LMAN1: variants seen among roughly 807,000 people sequenced by gnomAD.
The protein encoded by LMAN1 is lectin, mannose binding 1, also known as protein ERGIC-53.
Under a neutral mutation model 67.8 loss-of-function variants are expected in LMAN1, and 32 were observed. The observed-to-expected ratio is 0.47, with a 90% CI of 0.36 to 0.63. The LOEUF (loss-of-function observed/expected upper bound fraction) is 0.63. Ranked by LOEUF, LMAN1 falls within the 30% of genes least tolerant of loss-of-function variation. LMAN1 has a pLI of 0.00. For synonymous variants in LMAN1, 235 were observed against 219.3 expected, an observed-to-expected ratio of 1.07 and a Z score of -0.63; for missense variants, 632 against 628.2, an observed-to-expected ratio of 1.01 and a Z score of -0.06.
At chr18:59,332,623 T>C (rs1159462233) in intron 11 of LMAN1, among the ~76,000 whole-genome samples, 4 of 152,122 alleles carry the variant, frequency 2.6e-5, no homozygotes, top group African/African-American at 9.7e-5. Flanking sequence ...GACTAGGAAA[T>C]ATGGGCCAAC....
Position 59,328,902 on chromosome 18 carries a change from G to A in LMAN1, c.*2191C>T, listed in dbSNP as rs1006700393. The A allele has an allele frequency of 6.6e-6, 1 of 152,050 alleles. No homozygotes were observed. The highest frequency in any genetic ancestry group is 2.4e-5 in the African/African-American group (1 of 41,372). 9.4% of individuals were successfully genotyped at this position (152,050 alleles called of 1,614,324 possible). ...GCAATTGCATTTTCCTTTTAAAAGTGGCATCATAGACACAATGACTTACAT... is the reference window on the plus strand; with the variant it reads ...GCAATTGCATTTTCCTTTTAAAAGTAGCATCATAGACACAATGACTTACAT... On this transcript the variant is annotated 3_prime_UTR_variant, in exon 13 of 13. Transcript: ENST00000251047.
At chr18:59,352,512 C>T (rs889699127) in intron 5 of LMAN1, among the ~76,000 whole-genome samples, 4 of 152,164 alleles carry the variant, frequency 2.6e-5, no homozygotes, top group Admixed American at 6.5e-5. Context: ...AACCTCACTG[C>T]TCACTGATCT....
At chr18:59,357,945 G>C (rs542186690) in intron 1 of LMAN1, among the ~76,000 whole-genome samples, 162 of 132,484 alleles carry the variant, frequency 1.2e-3, no homozygotes, top group African/African-American at 4.5e-3. Context: ...TTGTGCACAT[G>C]TACCCTAAAC....
intron 5 of LMAN1, 40 bp from the exon 6 acceptor site, chr18:59,349,276 A>G (rs765353931): frequency 1.3e-6 from 2 of 1,571,530 alleles, no homozygotes; most frequent in South Asian, 2.2e-5. Flanking sequence ...TGCAAAAGAC[A>G]TTAGAAAATA....
In LMAN1 at chr18:59,331,148, A is replaced by G; in HGVS notation, c.1497-19T>C. 1 of 1,606,844 alleles carries G rather than the reference A, an allele frequency of 6.2e-7. No individual in the cohort carries two copies. The highest frequency in any genetic ancestry group is 8.5e-7 in the Non-Finnish European group (1 of 1,174,798). ...CTGAGACCTAATGAAAAAAAGAAAC[A>G]AACACTTAAAGAAGTTCTATACGCT... On this transcript the variant is annotated intron_variant, in intron 12 of 12. Transcript: ENST00000251047.
In LMAN1 at chr18:59,349,240, G is replaced by A; in HGVS notation, c.640-4C>T. Reference sequence around the variant, plus strand: ...TAAAGCCATTATTGATCATTACCTAGAAAGACATATCATAGCTATAGCTTT... The same window carrying A: ...TAAAGCCATTATTGATCATTACCTAAAAAGACATATCATAGCTATAGCTTT... On this transcript the variant is annotated splice_polypyrimidine_tract_variant and splice_region_variant and intron_variant, in intron 5 of 12. Transcript: ENST00000251047. 9 of 1,611,516 alleles carry A rather than the reference G, an allele frequency of 5.6e-6. No individual in the cohort carries two copies. The highest frequency in any genetic ancestry group is 7.6e-6 in the Non-Finnish European group (9 of 1,177,822).
At position 59,349,134 on chromosome 18, in the gene LMAN1, C is replaced by T. The variant is rs371193985; in HGVS notation, c.742G>A (p.Ala248Thr). ...IPAQGHFGIS[A>T]ATGGLADDHD... ...TTACCTGCAAGACCTCCAGTTGCAG[C>T]AGATATTCCAAAATGCCCTTGTGCA... Residue 248 changes from alanine (A) to threonine (T), a missense_variant, in exon 6 of 13, where the codon GCT (alanine) becomes ACT (threonine). Coordinates refer to ENST00000251047, the MANE Select transcript of LMAN1 (RefSeq NM_005570.4). The T allele has an allele frequency of 6.2e-6, 10 of 1,613,948 alleles. No homozygotes were observed. The African/African-American group carries it at 1.3e-4, about 22-fold the overall frequency.
Position 59,338,822 on chromosome 18 carries a change from C to G in LMAN1, c.1087G>C (p.Val363Leu). 1 of 1,614,048 alleles carries G rather than the reference C, an allele frequency of 6.2e-7. No homozygotes were observed. The highest frequency in any genetic ancestry group is 1.1e-5 in the South Asian group (1 of 91,076). ...GAGATTTCCTCTGTTAAGGAAGAGA[C>G]ATATCTTCTCTGTTCATCAAGAATC... is the stretch of plus-strand genomic sequence containing the variant. Reference protein sequence around the residue: ...DMILDEQRRYVSSLTEEISKR... With the variant: ...DMILDEQRRYLSSLTEEISKR... The change falls in exon 9 of 13, where the codon GTC (valine) becomes CTC (leucine). Residue 363 changes from valine to leucine, a missense_variant. Physicochemically the swap from Val to Leu is conservative, Grantham distance 32 (BLOSUM62 1). Coordinates refer to ENST00000251047, the MANE Select transcript of LMAN1 (RefSeq NM_005570.4).
chr18:59,346,148 A>T (rs1406850821), intron 7 of LMAN1, 97 bp from the exon 8 acceptor site: 1 of 973,526 alleles, frequency 1.0e-6, no homozygotes, highest in Non-Finnish European at 1.5e-6. Context: ...CTCTTCTACC[A>T]CTAGCGGAAA....
intron 8 of LMAN1, among the ~76,000 whole-genome samples, chr18:59,345,485 C>T (rs1908378671): frequency 6.6e-6 from 1 of 152,106 alleles, no homozygotes; most frequent in African/African-American, 2.4e-5. Flanking sequence ...AGGATTATCT[C>T]CACACTATAA....
chr18:59,343,989 C>T (rs1210335359), intron 8 of LMAN1, among the ~76,000 whole-genome samples: 1 of 152,086 alleles, frequency 6.6e-6, no homozygotes, highest in Non-Finnish European at 1.5e-5. Context: ...AGAGCATGAA[C>T]AGACATTTTT....
intron 8 of LMAN1, among the ~76,000 whole-genome samples, chr18:59,344,881 C>T (rs1223360416): frequency 6.6e-6 from 1 of 152,188 alleles, no homozygotes; most frequent in East Asian, 1.9e-4. Context: ...CAGAACTAAT[C>T]TACAGTGATA....
rs142975697 is a variant in LMAN1 at position 59,329,166 on chromosome 18, A to G, written c.*1927T>C. 2 of 152,314 alleles carry G rather than the reference A, an allele frequency of 1.3e-5. No individual in the cohort carries two copies. Among genetic ancestry groups the G allele is most frequent in the African/African-American group, 4.8e-5 (2 of 41,570 alleles). The allele number at this position is 152,314 out of a possible 1,614,324, so 9.4% of individuals were successfully genotyped here. On this transcript the variant is annotated 3_prime_UTR_variant, in exon 13 of 13. Transcript: ENST00000251047. ...ATCATGTGAACTACTTTGCTGAGTGATTTTCAAGCAAAGTATATCACTAAG... is the reference window on the plus strand; with the variant it reads ...ATCATGTGAACTACTTTGCTGAGTGGTTTTCAAGCAAAGTATATCACTAAG...
At chr18:59,358,421 A>C (rs1908710422) in intron 1 of LMAN1, among the ~76,000 whole-genome samples, 1 of 152,226 alleles carries the variant, frequency 6.6e-6, no homozygotes, top group African/African-American at 2.4e-5. Context: ...ACTGAGAGGA[A>C]AATGTGTAGT....
intron 8 of LMAN1, among the ~76,000 whole-genome samples, chr18:59,342,386 T>C (rs1026272834): frequency 1.3e-5 from 2 of 152,026 alleles, no homozygotes; most frequent in Non-Finnish European, 2.9e-5. Context: ...TACAGACCCA[T>C]ATCCCTGATG....
At chr18:59,352,145 T>C (rs1396816016) in intron 5 of LMAN1, among the ~76,000 whole-genome samples, 1 of 152,146 alleles carries the variant, frequency 6.6e-6, no homozygotes, top group East Asian at 1.9e-4. Context: ...CAGTTAGATA[T>C]CTCCACCTAT....
intron 1 of LMAN1, among the ~76,000 whole-genome samples, chr18:59,357,473 T>G (rs1425678390): frequency 1.3e-5 from 2 of 152,154 alleles, no homozygotes; most frequent in African/African-American, 2.4e-5. Context: ...ATCCCACAAA[T>G]AGAAACAAAA....
In LMAN1 at chr18:59,333,185, C is replaced by G; in HGVS notation, c.1280G>C (p.Gly427Ala). ...GTGCTGTGTTGTCTCATAGACGCCT[C>G]CAGCAGAGCCAGGGTGCTGCATTCC... The part of the protein sequence containing the change: ...VSGMQHPGSA[G>A]GVYETTQHFI... The change falls in exon 11 of 13, where the codon GGA becomes GCA. Residue 427 changes from glycine (G) to alanine (A), a missense_variant. Transcript: ENST00000251047. 1.2e-6 allele frequency: 2 copies of G among 1,613,594 alleles called. No homozygotes were observed.
At chr18:59,332,155 A>T (rs1353938037) in intron 11 of LMAN1, among the ~76,000 whole-genome samples, 2 of 152,178 alleles carry the variant, frequency 1.3e-5, no homozygotes, top group Non-Finnish European at 2.9e-5. Flanking sequence ...TTCTAAGATT[A>T]GTTGTTCCCA....
Sources: allele counts gnomAD v4.1 joint callset (sites outside exome capture counted in the v4.1 genomes callset), GRCh38; gene constraint gnomAD v4.1.1; transcripts MANE v1.5; gene names NCBI Gene and HGNC (gene_info 2026-07-23, HGNC 2026-07-21).